NUP54: variants seen among roughly 807,000 people sequenced by gnomAD.
NUP54 encodes the protein nucleoporin p54.
Under a neutral mutation model 66.4 loss-of-function variants are expected in NUP54, and 27 were observed. That is an observed-to-expected ratio of 0.41 (90% CI 0.30 to 0.56). NUP54 has a LOEUF of 0.56. Ranked by LOEUF, NUP54 falls within the 20% of genes least tolerant of loss-of-function variation. NUP54 has a pLI of 0.34. For synonymous variants in NUP54, 206 were observed against 210.7 expected (o/e 0.98, Z 0.19); for missense variants, 486 against 596.3 (o/e 0.82, Z 1.93).
At chr4:76,132,996 C>G (rs900763293) in intron 5 of NUP54, among the ~76,000 whole-genome samples, 1 of 151,022 alleles carries the variant, frequency 6.6e-6, no homozygotes, top group Non-Finnish European at 1.5e-5. Context: ...TACAGCTGCA[C>G]ACCCGCTACG....
At chr4:76,115,583 TTTACTAGCAACACAGTACCTAG>T (rs1446888325) in intron 11 of NUP54, 89 bp from the exon 12 acceptor site, 2 of 1,005,922 alleles carry the variant, frequency 2.0e-6, no homozygotes, top group Non-Finnish European at 2.8e-6. Flanking sequence ...CTTTGACTAT[TTTACTAGCAACACAGTACCTAG>T]TAAGTGCTCT....
chr4:76,117,389 C>T (rs1729994831), intron 11 of NUP54, among the ~76,000 whole-genome samples: 1 of 152,076 alleles, frequency 6.6e-6, no homozygotes. Flanking sequence ...CATGGGTGTA[C>T]AAATATGTTT....
At chr4:76,131,346 C>T (rs1204480250) in intron 6 of NUP54, 62 bp from the exon 7 acceptor site, 2 of 986,284 alleles carry the variant, frequency 2.0e-6, no homozygotes, top group Non-Finnish European at 3.0e-6. Flanking sequence ...ATGTGTATGA[C>T]AAAGGCTTTC....
chr4:76,134,334 T>C lies in NUP54; in HGVS notation c.551A>G (p.Asn184Ser). 6.2e-7 allele frequency: 1 copy of C among 1,613,692 alleles called. No homozygotes were observed. Among genetic ancestry groups the C allele is most frequent in the Non-Finnish European group, 8.5e-7 (1 of 1,179,846 alleles). The change falls in exon 5 of 12, where the codon AAT becomes AGT. Residue 184 changes from asparagine (N) to serine (S), a missense_variant. Physicochemically the swap from Asn to Ser is conservative, Grantham distance 46. This residue lies in a region of NUP54 where 217 missense variants were observed against 247.9 expected (regional missense o/e 0.88). Coordinates refer to ENST00000264883, the MANE Select transcript of NUP54 (RefSeq NM_017426.4). ...AACCACTAGCCCATCTTCATCTTTATTACTGGGCATGCAACTATAACCTAC... is the reference window on the plus strand; with the variant it reads ...AACCACTAGCCCATCTTCATCTTTACTACTGGGCATGCAACTATAACCTAC... ...KAVGYSCMPSNKDEDGLVVLV... is the reference protein window; with the variant it reads ...KAVGYSCMPSSKDEDGLVVLV...
At chr4:76,131,460 GCA>G (rs901713504) in intron 6 of NUP54, among the ~76,000 whole-genome samples, 176 bp from the exon 7 acceptor site, 3 of 151,664 alleles carry the variant, frequency 2.0e-5, no homozygotes, top group Admixed American at 1.3e-4. Flanking sequence ...TTCAAAAAAA[GCA>G]CAGATTGAAA....
At chr4:76,118,439 G>GATA in intron 9 of NUP54, 1 of 410,300 alleles carries the variant, frequency 2.4e-6, no homozygotes, top group South Asian at 2.3e-5. Flanking sequence ...AGGCTGAAGT[G>GATA]CAGTGGCGTA....
At chr4:76,148,284 T>C in intron 1 of NUP54, 24 bp downstream of exon 1, 1 of 1,357,296 alleles carries the variant, frequency 7.4e-7, no homozygotes, top group Non-Finnish European at 9.6e-7. Context: ...TCTTCCCGGG[T>C]GAAGGTCTAG....
At chr4:76,122,802 A>G (rs1291540963) in intron 9 of NUP54, among the ~76,000 whole-genome samples, 4 of 152,228 alleles carry the variant, frequency 2.6e-5, no homozygotes, top group African/African-American at 9.6e-5. Context: ...GAGAACCACC[A>G]AAATGTCCAT....
At chr4:76,137,254 T>G (rs1177467957) in intron 3 of NUP54, among the ~76,000 whole-genome samples, 1 of 152,298 alleles carries the variant, frequency 6.6e-6, no homozygotes, top group African/African-American at 2.4e-5. Context: ...TGCCTCAGCT[T>G]CCCAAAGTGC....
intron 5 of NUP54, 121 bp downstream of exon 5, chr4:76,134,054 T>G: frequency 3.5e-5 from 23 of 659,038 alleles, no homozygotes; most frequent in Non-Finnish European, 5.4e-5. Flanking sequence ...AATCACTAGC[T>G]GAGAAAAGGC....
chr4:76,132,860 C>CTTTTTT, intron 5 of NUP54, 141 bp from the exon 6 acceptor site: 1 of 516,424 alleles, frequency 1.9e-6, no homozygotes, highest in Non-Finnish European at 3.3e-6. Context: ...AAAATGTTTC[C>CTTTTTT]TTTTTTTTTT....
rs72044977 is a variant in NUP54 at position 76,125,865 on chromosome 4, G to GGA, written c.1057-1111_1057-1110dup. Among the ~76,000 whole-genome samples, 31 of 90,124 alleles carry GGA rather than the reference G, an allele frequency of 3.4e-4. 2 individuals carry two copies. In the South Asian group the frequency reaches 0.01, roughly 30 times the overall value. 59.1% of individuals were successfully genotyped at this position (90,124 alleles called of 152,430 possible). ...GAGAGGGAGAGAGGGGGAGGGGGAG[G>GGA]GAGAGAGAGAGACAGAGAGAGAGGG... On this transcript the variant is annotated intron_variant, in intron 8 of 11. Transcript: ENST00000264883.
At position 76,124,730 on chromosome 4, in the gene NUP54, T is replaced by C. The variant is rs1244543633; in HGVS notation, c.1083A>G (p.Leu361=). The change falls in exon 9 of 12, where the codon CTA becomes CTG. Residue 361 remains leucine (L), a synonymous_variant. Coordinates refer to ENST00000264883, the MANE Select transcript of NUP54 (RefSeq NM_017426.4). Reference sequence around the variant, plus strand: ...CTACAGATGTAGTTTGATTCTTTTGTAGCTCACTAATATCTTCAGATATGA... The same window carrying C: ...CTACAGATGTAGTTTGATTCTTTTGCAGCTCACTAATATCTTCAGATATGA... ...LDIISEDISE[L]QKNQTTSVAK... is the part of the protein sequence containing the mutation. The C allele has an allele frequency of 7.0e-7, 1 of 1,427,264 alleles. No individual in the cohort carries two copies. Among genetic ancestry groups the C allele is most frequent in the Non-Finnish European group, 9.4e-7 (1 of 1,059,958 alleles). The allele number at this position is 1,427,264 out of a possible 1,614,324, so 88.4% of individuals were successfully genotyped here.
chr4:76,131,109 A>T (rs940431861), intron 7 of NUP54, 121 bp downstream of exon 7: 1 of 708,070 alleles, frequency 1.4e-6, no homozygotes, highest in Non-Finnish European at 2.5e-6. Flanking sequence ...TATTTTTTAA[A>T]GGCCAGGAAA....
At position 76,116,088 on chromosome 4, in the gene NUP54, G is replaced by A. The variant is rs540408005; in HGVS notation, c.1396-594C>T. On this transcript the variant is annotated intron_variant, in intron 11 of 11. Coordinates refer to ENST00000264883, the MANE Select transcript of NUP54 (RefSeq NM_017426.4). Reference sequence around the variant, plus strand: ...TGCCCAAGGTCATAAAGTAGATGGTGAACCATGATTCAATCCCAAAACAAT... The same window carrying A: ...TGCCCAAGGTCATAAAGTAGATGGTAAACCATGATTCAATCCCAAAACAAT... Among the ~76,000 whole-genome samples, 3 of 152,246 alleles carry A rather than the reference G, an allele frequency of 2.0e-5. No individual in the cohort carries two copies. The South Asian group carries it at 6.2e-4, about 32-fold the overall frequency.
At chr4:76,130,462 A>G (rs1332843888) in intron 8 of NUP54, among the ~76,000 whole-genome samples, 194 bp downstream of exon 8, 4 of 152,208 alleles carry the variant, frequency 2.6e-5, no homozygotes, top group African/African-American at 9.7e-5. Context: ...ATTCATTATT[A>G]TATCAAATCA....
intron 8 of NUP54, among the ~76,000 whole-genome samples, chr4:76,129,554 C>T (rs1730686919): frequency 6.6e-6 from 1 of 152,118 alleles, no homozygotes; most frequent in East Asian, 1.9e-4. Flanking sequence ...TTTTCATAGG[C>T]TCCTGGGTTA....
intron 11 of NUP54, 136 bp from the exon 12 acceptor site, chr4:76,115,630 T>C: frequency 1.9e-6 from 1 of 514,438 alleles, no homozygotes; most frequent in Non-Finnish European, 3.2e-6. Flanking sequence ...ATAGAGGGCA[T>C]GCATATTTAA....
At position 76,117,967 on chromosome 4, in the gene NUP54, G is replaced by C. The variant is rs541919016; in HGVS notation, c.1284+108C>G. The C allele has an allele frequency of 1.9e-5, 23 of 1,185,910 alleles. No homozygotes were observed. The South Asian group carries it at 2.9e-4, about 15-fold the overall frequency. The allele number at this position is 1,185,910 out of a possible 1,614,324, so 73.5% of individuals were successfully genotyped here. On this transcript the variant is annotated intron_variant, in intron 10 of 11. Transcript: ENST00000264883. ...TACTTTAGAAAGGAAGTTCTAATTGGAGATAAGAAACACAAGTATACAAAA... is the reference window on the plus strand; with the variant it reads ...TACTTTAGAAAGGAAGTTCTAATTGCAGATAAGAAACACAAGTATACAAAA...
Sources: gnomAD v4.1 joint callset for allele counts (sites outside exome capture counted in the v4.1 genomes callset) on GRCh38, gnomAD v4.1.1 for gene constraint, gnomAD v4.1.1 regional missense constraint, MANE v1.5 for transcripts, NCBI Gene and HGNC (gene_info 2026-07-23, HGNC 2026-07-21) for gene names.